The following HFM1 variants were observed in gnomAD, a reference collection of about 807,000 sequenced individuals.
HFM1 encodes probable ATP-dependent DNA helicase HFM1.
HFM1 carries 169 observed loss-of-function variants against 192.1 expected under a neutral mutation model. The observed-to-expected ratio is 0.88, with a 90% CI of 0.78 to 1.00. The LOEUF (loss-of-function observed/expected upper bound fraction) is 1.00, where lower values mean the gene tolerates loss of function less well. Among genes scored for constraint, HFM1 ranks in the 50% least tolerant of loss-of-function variants. HFM1 has a pLI of 0.00. For synonymous variants in HFM1, 525 were observed against 537.8 expected (o/e 0.98, Z 0.33); for missense variants, 1,661 against 1,668.0 (o/e 1.00, Z 0.07).
intron 23 of HFM1, among the ~76,000 whole-genome samples, chr1:91,320,318 T>C (rs1451083236): frequency 6.6e-6 from 1 of 152,218 alleles, no homozygotes; most frequent in Admixed American, 6.5e-5. Flanking sequence ...AATGGATGTA[T>C]ACAGCTGAAA....
intron 30 of HFM1, among the ~76,000 whole-genome samples, chr1:91,286,151 C>T (rs1019475488): frequency 1.3e-5 from 2 of 152,096 alleles, no homozygotes; most frequent in Non-Finnish European, 2.9e-5. Flanking sequence ...ATATCAGCAC[C>T]CCTAGAAACT....
At chr1:91,276,588 T>TTAA in intron 32 of HFM1, 40 bp downstream of exon 32, 1 of 963,746 alleles carries the variant, frequency 1.0e-6, no homozygotes, top group South Asian at 1.6e-5. Flanking sequence ...TTATATACGT[T>TTAA]TAACTACAGA....
intron 20 of HFM1, chr1:91,328,701 C>G (rs1244114250): frequency 1.2e-6 from 2 of 1,602,434 alleles, no homozygotes; most frequent in African/African-American, 2.7e-5. Context: ...GGGGCTGAGG[C>G]AGAGAAGCAG....
At chr1:91,296,815 G>A (rs1647662664) in intron 30 of HFM1, among the ~76,000 whole-genome samples, 1 of 152,132 alleles carries the variant, frequency 6.6e-6, no homozygotes, top group African/African-American at 2.4e-5. Flanking sequence ...GAGGGGAGGA[G>A]CCAAGATGGC....
intron 30 of HFM1, among the ~76,000 whole-genome samples, chr1:91,304,932 T>C (rs1649388982): frequency 6.6e-6 from 1 of 152,200 alleles, no homozygotes; most frequent in African/African-American, 2.4e-5. Flanking sequence ...CAAATTCTTT[T>C]ACCATCAAAT....
intron 30 of HFM1, among the ~76,000 whole-genome samples, chr1:91,297,441 T>C (rs1226487290): frequency 2.6e-5 from 4 of 151,862 alleles, no homozygotes; most frequent in African/African-American, 4.8e-5. Flanking sequence ...TTGAAGAGAG[T>C]AGTGGTTCTC....
At chr1:91,303,010 TAATTA>T (rs1367721593) in intron 30 of HFM1, among the ~76,000 whole-genome samples, 2 of 152,202 alleles carry the variant, frequency 1.3e-5, no homozygotes, top group Non-Finnish European at 2.9e-5. Context: ...TTAAATTTCT[TAATTA>T]AATTATAATT....
intron 4 of HFM1, among the ~76,000 whole-genome samples, chr1:91,390,408 C>G (rs1164862030): frequency 6.8e-6 from 1 of 146,000 alleles, no homozygotes; most frequent in Non-Finnish European, 1.5e-5. Flanking sequence ...TGCACTCAAG[C>G]CTGGGTGACA....
intron 13 of HFM1, among the ~76,000 whole-genome samples, chr1:91,365,189 A>G (rs1233115659): frequency 6.6e-6 from 1 of 152,142 alleles, no homozygotes; most frequent in East Asian, 1.9e-4. Context: ...TAGTTATCAG[A>G]GGCAGGAAGG....
At chr1:91,363,392 T>G (rs1658788689) in intron 13 of HFM1, among the ~76,000 whole-genome samples, 1 of 11,938 alleles carries the variant, frequency 8.4e-5, no homozygotes, top group Non-Finnish European at 1.6e-4. Flanking sequence ...CAGACACTTT[T>G]CAAAAGATGA....
At chr1:91,296,991 G>C (rs1167384476) in intron 30 of HFM1, among the ~76,000 whole-genome samples, 1 of 152,234 alleles carries the variant, frequency 6.6e-6, no homozygotes, top group Non-Finnish European at 1.5e-5. Context: ...AGCAGGGCGA[G>C]GCATCGCCTC....
chr1:91,316,162 A>G lies in HFM1; in HGVS notation c.2921T>C (p.Phe974Ser). 3.4e-5 allele frequency: 54 copies of G among 1,588,220 alleles called. No individual in the cohort carries two copies. Among genetic ancestry groups the G allele is most frequent in the Non-Finnish European group, 4.6e-5 (54 of 1,161,810 alleles). The change falls in exon 27 of 39, where the codon TTT (phenylalanine) becomes TCT (serine). Residue 974 changes from phenylalanine to serine, a missense_variant. Phe to Ser is a radical substitution (Grantham distance 155). Transcript: ENST00000370425. ...LELILNRHPP[F>S]GTQIKETVMY... is the part of the protein sequence containing the mutation. ...CACAGTTTCTTTTATCTGGGTTCCA[A>G]AGGGGGGATGTCTGTTTAAAATCTA...
intron 4 of HFM1, among the ~76,000 whole-genome samples, chr1:91,391,386 A>G (rs1429260707): frequency 2.0e-5 from 3 of 152,254 alleles, no homozygotes; most frequent in African/African-American, 7.2e-5. Flanking sequence ...ACAGCATGAT[A>G]CTGGTACCAA....
chr1:91,398,826 G>A (rs1224967236), intron 2 of HFM1, among the ~76,000 whole-genome samples: 1 of 152,014 alleles, frequency 6.6e-6, no homozygotes, highest in Non-Finnish European at 1.5e-5. Flanking sequence ...CCCAGTAGCT[G>A]GGATTACAGG....
chr1:91,327,148 C>G (rs1653038697), intron 20 of HFM1, among the ~76,000 whole-genome samples: 1 of 152,046 alleles, frequency 6.6e-6, no homozygotes, highest in Non-Finnish European at 1.5e-5. Flanking sequence ...AAACAAATAA[C>G]AAAATGGCAG....
intron 20 of HFM1, chr1:91,328,772 G>T: frequency 6.2e-7 from 1 of 1,611,108 alleles, no homozygotes; most frequent in Non-Finnish European, 8.5e-7. Flanking sequence ...TAAGTGGCTG[G>T]TGAAGGTCAC....
intron 33 of HFM1, 39 bp downstream of exon 33, chr1:91,274,691 A>G: frequency 9.7e-7 from 1 of 1,036,174 alleles, no homozygotes; most frequent in Non-Finnish European, 1.5e-6. Context: ...AGAGTTTACG[A>G]TAAATATTTT....
intron 13 of HFM1, among the ~76,000 whole-genome samples, chr1:91,374,574 T>A (rs1207203417): frequency 2.0e-5 from 3 of 152,060 alleles, no homozygotes; most frequent in African/African-American, 7.2e-5. Context: ...GGGTATAAGG[T>A]GAAGAAGATA....
chr1:91,339,674 G>A (rs560101226), intron 20 of HFM1, among the ~76,000 whole-genome samples: 10 of 152,080 alleles, frequency 6.6e-5, no homozygotes, highest in African/African-American at 2.2e-4. Context: ...AAAACTCATT[G>A]GTAGCCCTGA....
Sources: allele counts gnomAD v4.1 joint callset (sites outside exome capture counted in the v4.1 genomes callset), GRCh38; gene constraint gnomAD v4.1.1; transcripts MANE v1.5; gene names NCBI Gene and HGNC (gene_info 2026-07-23, HGNC 2026-07-21).